PHACTR4: variants seen among roughly 807,000 people sequenced by gnomAD.
PHACTR4 encodes protein phosphatase 1, regulatory subunit 124.
Under a neutral mutation model 72.7 loss-of-function variants are expected in PHACTR4, and 51 were observed. That is an observed-to-expected ratio of 0.70 (90% confidence interval 0.56 to 0.89). The LOEUF (loss-of-function observed/expected upper bound fraction) is 0.89, where lower values mean the gene tolerates loss of function less well. PHACTR4 is among the 40% of genes least tolerant of loss of function. The pLI is 0.00. For synonymous variants in PHACTR4, 255 were observed against 302.5 expected (o/e 0.84, Z 1.63); for missense variants, 731 against 861.8 (o/e 0.85, Z 1.90).
chr1:28,465,042 T>G (rs1212291455), intron 4 of PHACTR4, among the ~76,000 whole-genome samples: 1 of 152,102 alleles, frequency 6.6e-6, no homozygotes, highest in Non-Finnish European at 1.5e-5. Flanking sequence ...ACTTGGCACA[T>G]AGTAGGCTAT....
intron 1 of PHACTR4, among the ~76,000 whole-genome samples, chr1:28,393,008 TTTGA>T (rs998370624): frequency 1.3e-5 from 2 of 152,164 alleles, no homozygotes; most frequent in African/African-American, 2.4e-5. Context: ...AAAAACGTAC[TTTGA>T]TTGAGTGCAA....
intron 1 of PHACTR4, among the ~76,000 whole-genome samples, chr1:28,402,933 T>A (rs531339075): frequency 6.6e-6 from 1 of 152,056 alleles, no homozygotes; most frequent in African/African-American, 2.4e-5. Flanking sequence ...TTTGGAAGAG[T>A]TCAGTATAAT....
chr1:28,487,727 GTTTTTTT>G (rs780028378), intron 9 of PHACTR4, among the ~76,000 whole-genome samples: 14 of 63,304 alleles, frequency 2.2e-4, no homozygotes, highest in African/African-American at 4.5e-4. Context: ...GTTTTTTGTT[GTTTTTTT>G]TTTTTTTTTT....
rs550996594 is a variant in PHACTR4 at position 28,429,219 on chromosome 1, A to AT, written c.16+21757dup. ...CAGCCTGTTCTTCAGGCTAGTTCAC[A>AT]TGAAGTACAAACACTTCCTACTAAG... On this transcript the variant is annotated intron_variant, in intron 2 of 13. Transcript: ENST00000373839. Among the ~76,000 whole-genome samples the AT allele has an allele frequency of 2.0e-5, 3 of 152,342 alleles. No individual in the cohort carries two copies. In the South Asian group the frequency reaches 6.2e-4, roughly 32 times the overall value.
chr1:28,369,906 C>A (rs973256877), intron 1 of PHACTR4, 81 bp downstream of exon 1: 8 of 401,066 alleles, frequency 2.0e-5, no homozygotes, highest in Admixed American at 6.5e-5. Flanking sequence ...CGGCCCCTTT[C>A]TTGGCTCTGC....
chr1:28,454,704 A>C (rs1358245129), intron 2 of PHACTR4, among the ~76,000 whole-genome samples: 3 of 152,190 alleles, frequency 2.0e-5, no homozygotes, highest in African/African-American at 7.2e-5. Context: ...CACCATACCC[A>C]ACAATTGCAC....
intron 1 of PHACTR4, among the ~76,000 whole-genome samples, chr1:28,391,158 G>C (rs1407117881): frequency 2.1e-4 from 30 of 142,512 alleles, no homozygotes; most frequent in Middle Eastern, 8.2e-3. Context: ...CCAGCACTTT[G>C]GGAGGCCGAG....
At chr1:28,419,586 G>A (rs964857596) in intron 2 of PHACTR4, among the ~76,000 whole-genome samples, 1 of 151,924 alleles carries the variant, frequency 6.6e-6, no homozygotes, top group Non-Finnish European at 1.5e-5. Context: ...GGGACTATAG[G>A]TGAGCAGCCA....
intron 2 of PHACTR4, among the ~76,000 whole-genome samples, chr1:28,413,352 A>G (rs1052928549): frequency 1.3e-5 from 2 of 152,286 alleles, no homozygotes; most frequent in South Asian, 2.1e-4. Context: ...GTCTGTGTAC[A>G]GGTGGCCTTG....
chr1:28,475,021 C>A (rs1221132956), intron 7 of PHACTR4, among the ~76,000 whole-genome samples: 1 of 151,994 alleles, frequency 6.6e-6, no homozygotes, highest in Non-Finnish European at 1.5e-5. Context: ...GCAGTCTTGG[C>A]TCACTGCAAC....
intron 2 of PHACTR4, among the ~76,000 whole-genome samples, chr1:28,445,249 G>A (rs1403403528): frequency 6.6e-6 from 1 of 151,882 alleles, no homozygotes; most frequent in Non-Finnish European, 1.5e-5. Flanking sequence ...CACCTCACCT[G>A]GCCATATTTA....
chr1:28,414,842 C>T (rs1655008494), intron 2 of PHACTR4, among the ~76,000 whole-genome samples: 1 of 152,076 alleles, frequency 6.6e-6, no homozygotes, highest in Non-Finnish European at 1.5e-5. Context: ...ATAGAGGAAT[C>T]AAACAGCTTT....
intron 2 of PHACTR4, among the ~76,000 whole-genome samples, chr1:28,444,078 A>G (rs1569968817): frequency 6.6e-6 from 1 of 152,034 alleles, no homozygotes; most frequent in African/African-American, 2.4e-5. Context: ...TTTACTCTGT[A>G]CCCTCACCAG....
At chr1:28,485,251 G>C (rs1226759099) in intron 9 of PHACTR4, among the ~76,000 whole-genome samples, 1 of 152,172 alleles carries the variant, frequency 6.6e-6, no homozygotes, top group East Asian at 1.9e-4. Context: ...AGTTATGCAT[G>C]ATGAGTAAGT....
chr1:28,484,868 A>G (rs1660533635), intron 9 of PHACTR4, among the ~76,000 whole-genome samples: 1 of 152,086 alleles, frequency 6.6e-6, no homozygotes, highest in Admixed American at 6.6e-5. Context: ...CGGGAGGCTG[A>G]GGCAGGAGAA....
At chr1:28,444,172 CTGA>C (rs959456960) in intron 2 of PHACTR4, among the ~76,000 whole-genome samples, 12 of 145,002 alleles carry the variant, frequency 8.3e-5, no homozygotes, top group African/African-American at 3.1e-4. Flanking sequence ...TTGCATTCAC[CTGA>C]TGATTTGTTA....
At chr1:28,490,843 C>CAAAA in intron 10 of PHACTR4, 108 bp from the exon 11 acceptor site, 3 of 913,744 alleles carry the variant, frequency 3.3e-6, no homozygotes, top group African/African-American at 2.1e-5. Flanking sequence ...AACTCCGTCT[C>CAAAA]AAAAAAAAAA....
intron 1 of PHACTR4, among the ~76,000 whole-genome samples, chr1:28,389,539 G>A (rs1481640936): frequency 3.4e-5 from 5 of 148,304 alleles, no homozygotes; most frequent in African/African-American, 7.5e-5. Context: ...GTGCAGTGAC[G>A]CAATCTCGGC....
intron 2 of PHACTR4, among the ~76,000 whole-genome samples, chr1:28,425,592 G>A (rs2124356471): frequency 6.6e-6 from 1 of 152,292 alleles, no homozygotes; most frequent in Non-Finnish European, 1.5e-5. Flanking sequence ...TCATGTACTG[G>A]AAAATGATAT....
Sources: allele counts gnomAD v4.1 joint callset (sites outside exome capture counted in the v4.1 genomes callset), GRCh38; gene constraint gnomAD v4.1.1; transcripts MANE v1.5; gene names NCBI Gene and HGNC (gene_info 2026-07-23, HGNC 2026-07-21).